DLGAP2: variants seen among roughly 807,000 people sequenced by gnomAD.
The protein encoded by DLGAP2 is DLG associated protein 2, also known as disks large-associated protein 2.
In DLGAP2, 26 loss-of-function variants were observed where a neutral mutation model predicts 100.3. The observed-to-expected ratio is 0.26, with a 90% CI of 0.19 to 0.36. DLGAP2 has a LOEUF of 0.36. DLGAP2 is among the 10% of genes least tolerant of loss of function. The pLI is 1.00. For synonymous variants in DLGAP2, 886 were observed against 630.1 expected (o/e 1.41, Z -6.08); for missense variants, 1,858 against 1,453.2 (o/e 1.28, Z -4.53).
Position 1,678,778 on chromosome 8 carries a change from C to G in DLGAP2, c.2704+149C>G, listed in dbSNP as rs909772951. The G allele has an allele frequency of 2.2e-5, 18 of 825,602 alleles. No individual in the cohort carries two copies. The South Asian group carries it at 4.2e-4, about 19-fold the overall frequency. 51.1% of individuals were successfully genotyped at this position (825,602 alleles called of 1,614,324 possible). ...GCTTTCTAGTATATCCCCCTCAATT[C>G]TAAGAAAAGATATAAATTACATGAA... On this transcript the variant is annotated intron_variant, in intron 12 of 14. Transcript: ENST00000637795.
intron 3 of DLGAP2, among the ~76,000 whole-genome samples, chr8:1,291,756 C>G (rs1800064625): frequency 6.6e-6 from 1 of 152,166 alleles, no homozygotes; most frequent in African/African-American, 2.4e-5. Flanking sequence ...CAACACCACA[C>G]CCAACATTGA....
chr8:1,186,868 C>A (rs1797515944), intron 2 of DLGAP2, among the ~76,000 whole-genome samples: 1 of 152,136 alleles, frequency 6.6e-6, no homozygotes, highest in African/African-American at 2.4e-5. Context: ...CTTCACATGC[C>A]CCCACGTCTG....
intron 3 of DLGAP2, among the ~76,000 whole-genome samples, chr8:1,485,349 A>G (rs549437628): frequency 5.3e-5 from 8 of 152,356 alleles, no homozygotes; most frequent in South Asian, 2.1e-4. Context: ...GGACTTATCT[A>G]TGATTCAAAT....
chr8:1,089,946 C>G (rs1390765896), intron 2 of DLGAP2, among the ~76,000 whole-genome samples: 1 of 152,192 alleles, frequency 6.6e-6, no homozygotes, highest in Non-Finnish European at 1.5e-5. Context: ...CGTGACTTTA[C>G]TGGAAGAAGT....
At chr8:1,148,563 C>T (rs1247862556) in intron 2 of DLGAP2, among the ~76,000 whole-genome samples, 3 of 35,224 alleles carry the variant, frequency 8.5e-5, no homozygotes, top group African/African-American at 3.3e-4. Flanking sequence ...GAACTTAATA[C>T]TTCAATTTTT....
intron 6 of DLGAP2, among the ~76,000 whole-genome samples, chr8:1,610,186 A>C (rs1796949498): frequency 6.6e-6 from 1 of 152,200 alleles, no homozygotes; most frequent in South Asian, 2.1e-4. Context: ...ATAACAAACT[A>C]TCTCTCAGAC....
Position 770,915 on chromosome 8 carries a change from A to AC in DLGAP2, c.18+33090_18+33091insC, listed in dbSNP as rs202115140. Among the ~76,000 whole-genome samples the AC allele has an allele frequency of 1.1e-3, 172 of 151,756 alleles. 2 individuals are homozygous for AC. Among genetic ancestry groups the AC allele is most frequent in the African/African-American group, 4.0e-3 (165 of 41,324 alleles). On this transcript the variant is annotated intron_variant, in intron 1 of 14. Coordinates refer to ENST00000637795, the MANE Select transcript of DLGAP2 (RefSeq NM_001346810.2). ...TAGAAGGACTCTTAGGGATGGAAAA[A>AC]ATTTTTCACTTTTCTGTAGGGCAGG...
At chr8:1,315,998 T>C (rs1306189781) in intron 3 of DLGAP2, among the ~76,000 whole-genome samples, 1 of 135,874 alleles carries the variant, frequency 7.4e-6, no homozygotes, top group Admixed American at 7.8e-5. Context: ...GCTGTGCGAG[T>C]GCAGCGTCTC....
At chr8:1,248,734 C>T (rs1314644236) in intron 2 of DLGAP2, 3 of 146,844 alleles carry the variant, frequency 2.0e-5, no homozygotes, top group Non-Finnish European at 3.0e-5. Flanking sequence ...GCGGATGCCC[C>T]ATAGGTGGAA....
chr8:1,194,639 G>T (rs1350615736), intron 2 of DLGAP2, among the ~76,000 whole-genome samples: 1 of 152,200 alleles, frequency 6.6e-6, no homozygotes, highest in Non-Finnish European at 1.5e-5. Flanking sequence ...CCTTGCTATA[G>T]GAACGTGTTG....
chr8:1,363,422 G>A (rs1701829958), intron 3 of DLGAP2, among the ~76,000 whole-genome samples: 1 of 152,172 alleles, frequency 6.6e-6, no homozygotes, highest in Admixed American at 6.5e-5. Flanking sequence ...CAGGTCAGGA[G>A]GACAGAGGCA....
At chr8:1,242,938 G>C (rs986250065) in intron 2 of DLGAP2, among the ~76,000 whole-genome samples, 1 of 10,546 alleles carries the variant, frequency 9.5e-5, no homozygotes, top group African/African-American at 3.0e-4. Flanking sequence ...TGGATGGATT[G>C]ATAGATGGAT....
At chr8:1,462,506 TG>T (rs1798487913) in intron 3 of DLGAP2, among the ~76,000 whole-genome samples, 1 of 38,312 alleles carries the variant, frequency 2.6e-5, no homozygotes, top group African/African-American at 8.3e-5. Context: ...TGCTGTCACG[TG>T]GGCTGGGTGC....
At chr8:1,069,944 C>T (rs191859446) in intron 2 of DLGAP2, among the ~76,000 whole-genome samples, 37 of 152,280 alleles carry the variant, frequency 2.4e-4, no homozygotes, top group African/African-American at 7.9e-4. Flanking sequence ...CCCAAAGCTG[C>T]GTCAGAGGAC....
At chr8:911,013 C>T (rs1305808089) in intron 2 of DLGAP2, among the ~76,000 whole-genome samples, 2 of 152,102 alleles carry the variant, frequency 1.3e-5, no homozygotes, top group Admixed American at 6.5e-5. Context: ...CTGCCCATTC[C>T]TGCTTGGAGC....
chr8:1,356,816 C>T (rs1192978278), intron 3 of DLGAP2, among the ~76,000 whole-genome samples: 1 of 152,140 alleles, frequency 6.6e-6, no homozygotes, highest in Non-Finnish European at 1.5e-5. Context: ...AAGCAAAGGG[C>T]CGTTTGCCAC....
At chr8:1,202,425 T>C (rs999181125) in intron 2 of DLGAP2, among the ~76,000 whole-genome samples, 3 of 152,102 alleles carry the variant, frequency 2.0e-5, no homozygotes, top group African/African-American at 7.2e-5. Flanking sequence ...CCCTCAGGAC[T>C]GTGAGGATGT....
intron 2 of DLGAP2, among the ~76,000 whole-genome samples, chr8:1,135,382 G>T (rs2878767): frequency 6.6e-6 from 1 of 152,052 alleles, no homozygotes; most frequent in Non-Finnish European, 1.5e-5. Context: ...AGTGCATCTC[G>T]TCTTAGGGGA....
intron 3 of DLGAP2, among the ~76,000 whole-genome samples, chr8:1,417,173 G>T (rs1037434382): frequency 1.3e-5 from 1 of 76,454 alleles, no homozygotes. Flanking sequence ...GGAAGCCCCC[G>T]TTCATTTAGT....
Sources: gnomAD v4.1 joint callset for allele counts (sites outside exome capture counted in the v4.1 genomes callset) on GRCh38, gnomAD v4.1.1 for gene constraint, MANE v1.5 for transcripts, NCBI Gene and HGNC (gene_info 2026-07-23, HGNC 2026-07-21) for gene names.